FSTL5: variants seen among roughly 807,000 people sequenced by gnomAD.
FSTL5 encodes follistatin-related protein 5.
Under a neutral mutation model 89.1 loss-of-function variants are expected in FSTL5, and 62 were observed. That is an observed-to-expected ratio of 0.70 (90% CI 0.57 to 0.86). FSTL5 has a LOEUF of 0.86. Ranked by LOEUF, FSTL5 falls within the 40% of genes least tolerant of loss-of-function variation. The pLI, the probability that FSTL5 is intolerant of heterozygous loss-of-function variation, is 0.00. For missense variants in FSTL5, 1,057 were observed against 1,001.6 expected (o/e 1.06, Z -0.75); for synonymous variants, 383 against 346.2 (o/e 1.11, Z -1.18).
At chr4:161,564,503 T>C (rs1362180189) in intron 8 of FSTL5, among the ~76,000 whole-genome samples, 1 of 148,264 alleles carries the variant, frequency 6.7e-6, no homozygotes, top group Non-Finnish European at 1.5e-5. Context: ...ATATAATTTA[T>C]TTAATTAACT....
chr4:162,087,917 AGTT>A (rs1407850562), intron 2 of FSTL5, among the ~76,000 whole-genome samples: 5 of 151,198 alleles, frequency 3.3e-5, no homozygotes, highest in Non-Finnish European at 7.4e-5. Context: ...GCTTTGTCAC[AGTT>A]GTTGTAGTCA....
chr4:161,605,978 C>A (rs914490846), intron 7 of FSTL5, among the ~76,000 whole-genome samples: 1 of 152,122 alleles, frequency 6.6e-6, no homozygotes, highest in African/African-American at 2.4e-5. Flanking sequence ...TCTATTATTG[C>A]GTGACATGGC....
chr4:161,401,682 G>A (rs952905677), intron 15 of FSTL5, among the ~76,000 whole-genome samples: 77 of 152,028 alleles, frequency 5.1e-4, no homozygotes, highest in African/African-American at 1.8e-3. Context: ...CTGCCACCAT[G>A]CCCGGCTAAT....
chr4:161,997,101 T>C (rs1167857038), intron 3 of FSTL5, among the ~76,000 whole-genome samples: 2 of 152,222 alleles, frequency 1.3e-5, no homozygotes, highest in East Asian at 1.9e-4. Flanking sequence ...TAACTTTTTA[T>C]TACTACCTTG....
rs1730530267 is a variant in FSTL5 at position 161,384,105 on chromosome 4, T to G, written c.*1642A>C. 1 of 152,210 alleles carries G rather than the reference T, an allele frequency of 6.6e-6. No homozygotes were observed. Among genetic ancestry groups the G allele is most frequent in the Non-Finnish European group, 1.5e-5 (1 of 68,016 alleles). The allele number at this position is 152,210 out of a possible 1,614,324, so 9.4% of individuals were successfully genotyped here. On this transcript the variant is annotated 3_prime_UTR_variant, in exon 16 of 16. Coordinates refer to ENST00000306100, the MANE Select transcript of FSTL5 (RefSeq NM_020116.5). ...AAGTAGAAACATAAGCTGATTTTTGTTGTTTATTAAATCTACCTCGCATGT... is the reference window on the plus strand; with the variant it reads ...AAGTAGAAACATAAGCTGATTTTTGGTGTTTATTAAATCTACCTCGCATGT...
At chr4:161,858,039 T>C (rs1167056756) in intron 4 of FSTL5, among the ~76,000 whole-genome samples, 2 of 152,142 alleles carry the variant, frequency 1.3e-5, no homozygotes, top group South Asian at 4.1e-4. Flanking sequence ...AGCCTAACCA[T>C]AAAGGTGATA....
At chr4:161,566,135 T>C (rs7666356) in intron 8 of FSTL5, among the ~76,000 whole-genome samples, 17,292 of 55,050 alleles carry the variant, frequency 0.31, 2,504 homozygotes, top group Non-Finnish European at 0.34. Flanking sequence ...TATATATATA[T>C]ACACACACAC....
chr4:161,528,512 T>G lies in FSTL5; in HGVS notation c.1312+9654A>C, dbSNP rs1294281704. Among the ~76,000 whole-genome samples the G allele has an allele frequency of 3.5e-5, 5 of 142,802 alleles. 2 individuals carry two copies. In the East Asian group the frequency reaches 1.2e-3, roughly 35 times the overall value. The allele number at this position is 142,802 out of a possible 152,430, so 93.7% of individuals were successfully genotyped here. ...AAATAGAGGACAATAGGAAACACAG[T>G]TGTATAATCTGGGCTGTTGGCACAG... On this transcript the variant is annotated intron_variant, in intron 10 of 15. Transcript: ENST00000306100.
chr4:161,656,498 T>C lies in FSTL5; in HGVS notation c.728-4A>G, dbSNP rs774827254. ...GGCAGACTCAACTGGATCACTTCTG[T>C]AAAGATGAAGTGTCAGTAATGTTGA... On this transcript the variant is annotated splice_region_variant and splice_polypyrimidine_tract_variant and intron_variant, in intron 6 of 15. Transcript: ENST00000306100. The C allele has an allele frequency of 6.5e-7, 1 of 1,546,998 alleles. No homozygotes were observed. The highest frequency in any genetic ancestry group is 8.7e-7 in the Non-Finnish European group (1 of 1,148,900).
chr4:161,917,798 A>C (rs1162416508), intron 4 of FSTL5, among the ~76,000 whole-genome samples: 1 of 152,176 alleles, frequency 6.6e-6, no homozygotes. Context: ...TAAAATCTCC[A>C]TTGCAAGTAC....
At chr4:161,546,853 A>T (rs151127448) in intron 8 of FSTL5, among the ~76,000 whole-genome samples, 46 of 152,106 alleles carry the variant, frequency 3.0e-4, no homozygotes, top group Non-Finnish European at 5.6e-4. Context: ...AAATATCTCT[A>T]TCAATTGTTG....
At chr4:161,684,251 T>C (rs1737627457) in intron 6 of FSTL5, among the ~76,000 whole-genome samples, 1 of 152,196 alleles carries the variant, frequency 6.6e-6, no homozygotes, top group African/African-American at 2.4e-5. Flanking sequence ...TGTGCAAGTA[T>C]CTTTTTGTAT....
rs375273095 is a variant in FSTL5 at position 161,607,235 on chromosome 4, C to T, written c.895-19660G>A. ...ATTATGAAAATGTAGAGAAAAAAAT[C>T]GTAAGACTTGGTGATTAGTCCATAA... On this transcript the variant is annotated intron_variant, in intron 7 of 15. Coordinates refer to ENST00000306100, the MANE Select transcript of FSTL5 (RefSeq NM_020116.5). 3.9e-4 allele frequency among the ~76,000 whole-genome samples: 60 copies of T among 152,164 alleles called. 5 individuals carry two copies. The South Asian group carries it at 0.012, about 32-fold the overall frequency.
intron 4 of FSTL5, among the ~76,000 whole-genome samples, chr4:161,899,299 AAAG>A (rs931383481): frequency 3.1e-4 from 47 of 152,302 alleles, no homozygotes; most frequent in African/African-American, 1.1e-3. Flanking sequence ...GAAAAGAAGG[AAAG>A]AAGGAGAAAT....
At chr4:161,824,843 T>C (rs531530716) in intron 4 of FSTL5, among the ~76,000 whole-genome samples, 2 of 152,038 alleles carry the variant, frequency 1.3e-5, no homozygotes, top group African/African-American at 2.4e-5. Flanking sequence ...TTTGCATGAG[T>C]CTTTAGGGTT....
At chr4:161,931,728 G>A (rs1297753835) in intron 3 of FSTL5, among the ~76,000 whole-genome samples, 1 of 151,908 alleles carries the variant, frequency 6.6e-6, no homozygotes, top group Non-Finnish European at 1.5e-5. Flanking sequence ...AGTCAGATAG[G>A]TCTGACTGAT....
At chr4:161,749,509 G>C (rs1740319034) in intron 6 of FSTL5, among the ~76,000 whole-genome samples, 2 of 152,054 alleles carry the variant, frequency 1.3e-5, no homozygotes, top group East Asian at 3.9e-4. Context: ...TAAAGAGAAA[G>C]ATAATAGGCC....
chr4:161,625,908 C>A (rs1735301061), intron 7 of FSTL5, among the ~76,000 whole-genome samples: 3 of 152,056 alleles, frequency 2.0e-5, no homozygotes, highest in Admixed American at 2.0e-4. Flanking sequence ...CCACAACATT[C>A]CCTTAAGACA....
intron 2 of FSTL5, among the ~76,000 whole-genome samples, chr4:162,104,497 G>T (rs1731134824): frequency 6.6e-6 from 1 of 152,158 alleles, no homozygotes; most frequent in Admixed American, 6.5e-5. Context: ...ATAATAAAGA[G>T]AATGTTTTTC....
Sources: gnomAD v4.1 joint callset for allele counts (sites outside exome capture counted in the v4.1 genomes callset) on GRCh38, gnomAD v4.1.1 for gene constraint, MANE v1.5 for transcripts, NCBI Gene and HGNC (gene_info 2026-07-23, HGNC 2026-07-21) for gene names.